The following EYS variants were observed in gnomAD, a reference collection of about 807,000 sequenced individuals.
EYS encodes protein eyes shut homolog.
Under a neutral mutation model 282.1 loss-of-function variants are expected in EYS, and 250 were observed. The observed-to-expected ratio is 0.89, with a 90% CI of 0.80 to 0.98. The LOEUF (loss-of-function observed/expected upper bound fraction) is 0.98, where lower values mean the gene tolerates loss of function less well. Ranked by LOEUF, EYS falls within the 50% of genes least tolerant of loss-of-function variation. The pLI is 0.00. For synonymous variants in EYS, 1,355 were observed against 1,282.9 expected, an observed-to-expected ratio of 1.06 and a Z score of -1.20; for missense variants, 4,016 against 3,709.0, an observed-to-expected ratio of 1.08 and a Z score of -2.15.
At chr6:65,063,157 T>G (rs2150160723) in intron 12 of EYS, among the ~76,000 whole-genome samples, 1 of 152,106 alleles carries the variant, frequency 6.6e-6, no homozygotes, top group African/African-American at 2.4e-5. Flanking sequence ...GAACTTAATT[T>G]ACATATTTTA....
chr6:64,817,605 C>T (rs981297442), intron 21 of EYS, among the ~76,000 whole-genome samples: 1 of 152,088 alleles, frequency 6.6e-6, no homozygotes, highest in Non-Finnish European at 1.5e-5. Flanking sequence ...ATTCTCCTCT[C>T]CCTCCACCCT....
At chr6:65,237,633 C>A (rs1361495714) in intron 12 of EYS, among the ~76,000 whole-genome samples, 2 of 152,102 alleles carry the variant, frequency 1.3e-5, no homozygotes, top group Admixed American at 1.3e-4. Flanking sequence ...ATTGCATGGG[C>A]AAACAGTTAT....
intron 11 of EYS, among the ~76,000 whole-genome samples, chr6:65,333,543 T>C (rs940503711): frequency 1.3e-5 from 2 of 151,746 alleles, no homozygotes; most frequent in Non-Finnish European, 3.0e-5. Flanking sequence ...AGCTATCTAC[T>C]ATTTCTAGAT....
chr6:63,775,780 C>T (rs1340478279), intron 40 of EYS, among the ~76,000 whole-genome samples: 1 of 152,064 alleles, frequency 6.6e-6, no homozygotes, highest in African/African-American at 2.4e-5. Flanking sequence ...TAAACTGCTG[C>T]TGCCACTGGA....
intron 2 of EYS, among the ~76,000 whole-genome samples, chr6:65,634,980 G>A (rs1438280456): frequency 6.6e-6 from 1 of 152,152 alleles, no homozygotes; most frequent in Non-Finnish European, 1.5e-5. Flanking sequence ...ACAGACAGAA[G>A]CCTAGACCAC....
rs60684321 is a variant in EYS, at chr6:64,989,394, A to AATATATAT, written c.2259+8180_2259+8187dup. 5.7e-4 allele frequency among the ~76,000 whole-genome samples: 40 copies of AATATATAT among 69,718 alleles called. 5 individuals are homozygous for AATATATAT. The highest frequency in any genetic ancestry group is 1.8e-3 in the African/African-American group (24 of 13,134). 45.7% of individuals were successfully genotyped at this position (69,718 alleles called of 152,430 possible). A position where few individuals can be genotyped will look rare whatever the true frequency, so the allele number is the denominator to read the frequency against. On this transcript the variant is annotated intron_variant, in intron 14 of 42. Transcript: ENST00000503581. ...AAGAGGCTATTTACTGGCTAGCTGT[A>AATATATAT]ATATATATATATATATATATATGAA...
At chr6:64,103,857 G>A (rs1463496632) in intron 31 of EYS, among the ~76,000 whole-genome samples, 3 of 152,108 alleles carry the variant, frequency 2.0e-5, no homozygotes, top group Non-Finnish European at 4.4e-5. Context: ...ACAAGAAAGA[G>A]GGAAGAGACT....
At chr6:64,000,075 A>G (rs1244129867) in intron 33 of EYS, among the ~76,000 whole-genome samples, 1 of 149,396 alleles carries the variant, frequency 6.7e-6, no homozygotes, top group African/African-American at 2.5e-5. Context: ...GTATTTTTTA[A>G]ATTTTGGACA....
chr6:65,342,316 G>A (rs955295250), intron 10 of EYS, among the ~76,000 whole-genome samples: 91 of 150,938 alleles, frequency 6.0e-4, no homozygotes, highest in African/African-American at 2.0e-3. Context: ...TGATATAATC[G>A]AAATTTTAAT....
At chr6:65,043,740 T>C (rs1773011754) in intron 13 of EYS, among the ~76,000 whole-genome samples, 1 of 151,568 alleles carries the variant, frequency 6.6e-6, no homozygotes, top group Non-Finnish European at 1.5e-5. Context: ...TAATATTTCA[T>C]TTATGCATAT....
At chr6:64,084,077 T>A (rs920869771) in intron 31 of EYS, among the ~76,000 whole-genome samples, 3 of 152,214 alleles carry the variant, frequency 2.0e-5, no homozygotes, top group Non-Finnish European at 2.9e-5. Context: ...AAACATCACA[T>A]GAAATATACT....
chr6:64,553,752 T>C (rs1320205134), intron 26 of EYS, among the ~76,000 whole-genome samples: 4 of 152,026 alleles, frequency 2.6e-5, no homozygotes, highest in African/African-American at 9.7e-5. Context: ...AATTACAGCT[T>C]TGTAATTGGT....
chr6:64,229,744 T>TACATAC (rs2150337519), intron 31 of EYS, among the ~76,000 whole-genome samples: 1 of 152,184 alleles, frequency 6.6e-6, no homozygotes, highest in South Asian at 2.1e-4. Flanking sequence ...CACATGCACA[T>TACATAC]ACATACACAT....
intron 5 of EYS, among the ~76,000 whole-genome samples, chr6:65,487,634 T>A (rs1235305608): frequency 6.6e-6 from 1 of 152,164 alleles, no homozygotes. Context: ...CCTAAAATTC[T>A]ATTTTTTTGT....
chr6:64,879,671 G>A (rs970975566), intron 19 of EYS, among the ~76,000 whole-genome samples: 1 of 151,882 alleles, frequency 6.6e-6, no homozygotes, highest in Non-Finnish European at 1.5e-5. Context: ...ATCCTCAAAT[G>A]AGCAAAAAAT....
At chr6:64,821,047 C>T (rs768927551) in intron 21 of EYS, among the ~76,000 whole-genome samples, 2 of 152,086 alleles carry the variant, frequency 1.3e-5, no homozygotes, top group African/African-American at 2.4e-5. Flanking sequence ...AAAAGGCTCA[C>T]AAGATTCTCA....
intron 36 of EYS, among the ~76,000 whole-genome samples, chr6:63,812,499 A>G (rs1771073879): frequency 2.0e-5 from 3 of 152,068 alleles, no homozygotes; most frequent in Admixed American, 2.0e-4. Context: ...ATTCCATTAT[A>G]TGTTATTTGT....
At chr6:64,568,717 C>T (rs968265397) in intron 26 of EYS, among the ~76,000 whole-genome samples, 6 of 152,092 alleles carry the variant, frequency 3.9e-5, no homozygotes, top group Non-Finnish European at 8.8e-5. Flanking sequence ...CGACAGACAC[C>T]TCATACAAGA....
At chr6:65,017,853 C>T (rs187410383) in intron 13 of EYS, among the ~76,000 whole-genome samples, 4 of 152,126 alleles carry the variant, frequency 2.6e-5, no homozygotes, top group Admixed American at 2.6e-4. Context: ...TTTCGTAATA[C>T]TCCCCTTTGT....
Sources: gnomAD v4.1 joint callset for allele counts (sites outside exome capture counted in the v4.1 genomes callset) on GRCh38, gnomAD v4.1.1 for gene constraint, MANE v1.5 for transcripts, NCBI Gene and HGNC (gene_info 2026-07-23, HGNC 2026-07-21) for gene names.